WDPCP: variants seen among roughly 807,000 people sequenced by gnomAD.
WDPCP encodes WD repeat containing planar cell polarity effector.
A neutral mutation model predicts 93.1 loss-of-function variants in WDPCP; 71 were observed. The observed-to-expected ratio is 0.76, with a 90% CI of 0.63 to 0.93. WDPCP has a LOEUF of 0.93. Among genes scored for constraint, WDPCP ranks in the 40% least tolerant of loss-of-function variants. WDPCP has a pLI of 0.00. For synonymous variants in WDPCP, 315 were observed against 315.0 expected, an observed-to-expected ratio of 1.00 and a Z score of 0.00; for missense variants, 844 against 887.4, an observed-to-expected ratio of 0.95 and a Z score of 0.62.
intron 12 of WDPCP, among the ~76,000 whole-genome samples, chr2:63,326,290 G>A (rs569957556): frequency 1.4e-4 from 21 of 152,264 alleles, no homozygotes; most frequent in African/African-American, 3.1e-4. Context: ...TATGCCGCCC[G>A]AGATGATCTC....
At chr2:63,807,582 T>C (rs1670787757) in intron 2 of WDPCP, among the ~76,000 whole-genome samples, 1 of 152,218 alleles carries the variant, frequency 6.6e-6, no homozygotes, top group Non-Finnish European at 1.5e-5. Context: ...GCAATGCAAG[T>C]GGAATAACAT....
At chr2:63,154,874 T>C (rs1289906292) in intron 15 of WDPCP, among the ~76,000 whole-genome samples, 3 of 152,214 alleles carry the variant, frequency 2.0e-5, no homozygotes, top group Non-Finnish European at 1.5e-5. Flanking sequence ...TATCTCATCA[T>C]GGTTTTAATT....
intron 2 of WDPCP, among the ~76,000 whole-genome samples, chr2:63,799,475 T>C (rs1472245302): frequency 7.2e-5 from 11 of 152,198 alleles, no homozygotes; most frequent in Non-Finnish European, 2.9e-5. Context: ...CTTCAGTCTT[T>C]CCTTAACACT....
At chr2:63,273,826 C>CAT (rs1491201949) in intron 13 of WDPCP, among the ~76,000 whole-genome samples, 455 of 15,988 alleles carry the variant, frequency 0.028, 2 homozygotes, top group African/African-American at 0.21. Flanking sequence ...CACACACACA[C>CAT]GCACACACAC....
intron 6 of WDPCP, among the ~76,000 whole-genome samples, chr2:63,459,032 A>T (rs1488235047): frequency 6.6e-6 from 1 of 152,172 alleles, no homozygotes; most frequent in Non-Finnish European, 1.5e-5. Context: ...ATGTAGAAGA[A>T]TGAAACTGGA....
At chr2:63,350,295 T>C (rs1231316478) in intron 12 of WDPCP, among the ~76,000 whole-genome samples, 2 of 152,064 alleles carry the variant, frequency 1.3e-5, no homozygotes, top group Admixed American at 1.3e-4. Flanking sequence ...TGTCGGAGGG[T>C]GCAGGGCTGG....
intron 12 of WDPCP, among the ~76,000 whole-genome samples, chr2:63,355,883 G>C (rs941800137): frequency 2.0e-5 from 3 of 152,068 alleles, no homozygotes; most frequent in African/African-American, 7.2e-5. Flanking sequence ...GCAAGACTCT[G>C]TCTCAAAAAA....
intron 12 of WDPCP, among the ~76,000 whole-genome samples, chr2:63,334,401 A>G (rs982833563): frequency 3.9e-5 from 6 of 152,172 alleles, no homozygotes; most frequent in African/African-American, 1.4e-4. Flanking sequence ...TGTGACATCA[A>G]TCAACATATG....
chr2:63,693,172 T>C (rs1284304203), intron 2 of WDPCP, among the ~76,000 whole-genome samples: 1 of 152,170 alleles, frequency 6.6e-6, no homozygotes, highest in Non-Finnish European at 1.5e-5. Context: ...AATTGGAGAA[T>C]ACAGCGCTCT....
At chr2:63,528,043 C>A (rs1437050827) in intron 1 of WDPCP, among the ~76,000 whole-genome samples, 1 of 151,998 alleles carries the variant, frequency 6.6e-6, no homozygotes, top group East Asian at 1.9e-4. Context: ...TATTCATATC[C>A]TTCGCCCCCT....
intron 2 of WDPCP, among the ~76,000 whole-genome samples, chr2:63,746,635 C>G (rs1278978916): frequency 6.6e-6 from 1 of 152,058 alleles, no homozygotes; most frequent in Non-Finnish European, 1.5e-5. Flanking sequence ...GAGTGTCTGC[C>G]TTATGCAGAT....
chr2:63,797,275 G>A lies in WDPCP; in HGVS notation n.308+16347C>T, dbSNP rs1030070823. ...GAATATTCCCAGCTGCAGTTCCTAC[G>A]AGGAGGACTCTTTCTGCTTGAGAAA... is the stretch of plus-strand genomic sequence containing the variant. On this transcript the variant is annotated intron_variant and non_coding_transcript_variant, in intron 2 of 4. Coordinates refer to the WDPCP transcript ENST00000467687. 5.9e-5 allele frequency among the ~76,000 whole-genome samples: 9 copies of A among 151,912 alleles called. No homozygotes were observed. The South Asian group carries it at 6.2e-4, about 11-fold the overall frequency.
chr2:63,776,664 A>T (rs1670307127), intron 2 of WDPCP, among the ~76,000 whole-genome samples: 1 of 151,364 alleles, frequency 6.6e-6, no homozygotes, highest in Admixed American at 6.6e-5. Flanking sequence ...TCAAAAAAAA[A>T]AAAAAAAAAA....
chr2:63,781,470 C>T (rs985031118), intron 2 of WDPCP, among the ~76,000 whole-genome samples: 1 of 152,148 alleles, frequency 6.6e-6, no homozygotes, highest in African/African-American at 2.4e-5. Context: ...ACTCCAGTAG[C>T]AGTTTGTCAT....
At chr2:63,259,087 G>A (rs567220896) in intron 14 of WDPCP, among the ~76,000 whole-genome samples, 1 of 152,280 alleles carries the variant, frequency 6.6e-6, no homozygotes, top group South Asian at 2.1e-4. Context: ...GCTAAATGAT[G>A]ACTATAGTAA....
chr2:63,363,527 G>A (rs935106603), intron 12 of WDPCP, among the ~76,000 whole-genome samples: 1 of 152,148 alleles, frequency 6.6e-6, no homozygotes, highest in Non-Finnish European at 1.5e-5. Flanking sequence ...GAGCCTGAGA[G>A]GTTGAGGCTG....
chr2:63,378,221 G>C, intron 12 of WDPCP, 165 bp downstream of exon 12: 1 of 945,284 alleles, frequency 1.1e-6, no homozygotes, highest in Non-Finnish European at 1.5e-6. Flanking sequence ...TCCTTAAAAT[G>C]AAAACAATAA....
At chr2:63,833,012 G>A in the WDPCP span, among the ~76,000 whole-genome samples, 1 of 152,162 alleles carries the variant, frequency 6.6e-6, no homozygotes, top group South Asian at 2.1e-4. Flanking sequence ...CAGCACTTTG[G>A]GAGGCCAAGG....
intron 2 of WDPCP, among the ~76,000 whole-genome samples, chr2:63,806,774 G>A (rs1008390807): frequency 7.9e-5 from 12 of 152,198 alleles, no homozygotes; most frequent in Admixed American, 4.6e-4. Context: ...GCTTTTGAAA[G>A]AAGAGAAATA....
Sources: gnomAD v4.1 joint callset for allele counts (sites outside exome capture counted in the v4.1 genomes callset) on GRCh38, gnomAD v4.1.1 for gene constraint, MANE v1.5 for transcripts, NCBI Gene and HGNC (gene_info 2026-07-23, HGNC 2026-07-21) for gene names.